The following DIAPH3 variants were observed in gnomAD, a reference collection of about 807,000 sequenced individuals.
The protein encoded by DIAPH3 is protein diaphanous homolog 3.
A neutral mutation model predicts 144.3 loss-of-function variants in DIAPH3; 117 were observed. The observed-to-expected ratio is 0.81, with a 90% CI of 0.70 to 0.95. The LOEUF is 0.95. Ranked by LOEUF, DIAPH3 falls within the 40% of genes least tolerant of loss-of-function variation. The pLI is 0.00. For synonymous variants in DIAPH3, 519 were observed against 488.9 expected, an observed-to-expected ratio of 1.06 and a Z score of -0.81; for missense variants, 1,421 against 1,412.7, an observed-to-expected ratio of 1.01 and a Z score of -0.09.
chr13:59,817,095 C>T (rs753662110), intron 24 of DIAPH3, among the ~76,000 whole-genome samples: 6 of 151,754 alleles, frequency 4.0e-5, no homozygotes, highest in African/African-American at 7.2e-5. Context: ...AAAACTGGCA[C>T]TGAAAAATGT....
intron 27 of DIAPH3, among the ~76,000 whole-genome samples, chr13:59,693,785 A>G (rs1403282154): frequency 6.6e-6 from 1 of 152,210 alleles, no homozygotes; most frequent in Non-Finnish European, 1.5e-5. Flanking sequence ...GCTTTAATTT[A>G]TATAGGGAAT....
At chr13:59,839,728 T>C (rs1453659696) in intron 22 of DIAPH3, among the ~76,000 whole-genome samples, 2 of 152,188 alleles carry the variant, frequency 1.3e-5, no homozygotes, top group Non-Finnish European at 2.9e-5. Context: ...TTCTTGACCA[T>C]TGGAAATACT....
intron 1 of DIAPH3, among the ~76,000 whole-genome samples, chr13:60,160,889 G>C (rs113981430): frequency 2.4e-4 from 36 of 152,342 alleles, no homozygotes; most frequent in Non-Finnish European, 3.2e-4. Context: ...TATGGGAAGA[G>C]ATATCTAAGC....
intron 18 of DIAPH3, among the ~76,000 whole-genome samples, chr13:59,921,219 C>A (rs2047498343): frequency 7.7e-6 from 1 of 129,064 alleles, no homozygotes; most frequent in Non-Finnish European, 1.7e-5. Context: ...TTAGTAGAAG[C>A]AAGAAAATAT....
At position 59,982,969 on chromosome 13, in the gene DIAPH3, A is replaced by C. The variant is rs1322055403; in HGVS notation, c.1480+800T>G. ...AAAGCAGCAGATACAAGTTTTCCAA[A>C]ATTCAAATTTCCACTTAAAAACTCA... On this transcript the variant is annotated intron_variant, in intron 13 of 27. Coordinates refer to ENST00000400324, the MANE Select transcript of DIAPH3 (RefSeq NM_001042517.2). 7.9e-5 allele frequency among the ~76,000 whole-genome samples: 12 copies of C among 151,570 alleles called. No homozygotes were observed. In the East Asian group the frequency reaches 2.3e-3, roughly 30 times the overall value.
At chr13:59,722,149 G>T (rs991784945) in intron 27 of DIAPH3, among the ~76,000 whole-genome samples, 2 of 152,244 alleles carry the variant, frequency 1.3e-5, no homozygotes, top group African/African-American at 4.8e-5. Context: ...AAAAAAGCTT[G>T]CCACTCTTCA....
chr13:60,015,551 G>A (rs1235297549), intron 7 of DIAPH3, among the ~76,000 whole-genome samples: 2 of 151,828 alleles, frequency 1.3e-5, no homozygotes, highest in African/African-American at 2.4e-5. Flanking sequence ...TTGAGAGTTA[G>A]GAGAGGGAGG....
chr13:60,085,661 T>C (rs2670491), intron 4 of DIAPH3, among the ~76,000 whole-genome samples: 84,459 of 151,906 alleles, frequency 0.56, 24,020 homozygotes, highest in Admixed American at 0.61. Context: ...CTTAGCCCCT[T>C]TGTTCACTGA....
At chr13:59,845,114 C>T (rs140163709) in intron 22 of DIAPH3, among the ~76,000 whole-genome samples, 4,246 of 150,514 alleles carry the variant, frequency 0.028, 84 homozygotes, top group Middle Eastern at 0.079. Flanking sequence ...GGTGTGATCT[C>T]GGCTCACTGC....
chr13:59,995,754 A>T (rs576629878), intron 9 of DIAPH3, among the ~76,000 whole-genome samples: 1 of 152,128 alleles, frequency 6.6e-6, no homozygotes, highest in East Asian at 1.9e-4. Flanking sequence ...GATAAGTTGG[A>T]AATGCCTATT....
At chr13:59,881,191 AT>A (rs1038778807) in intron 20 of DIAPH3, among the ~76,000 whole-genome samples, 3 of 151,680 alleles carry the variant, frequency 2.0e-5, no homozygotes, top group Admixed American at 1.3e-4. Context: ...ACTTACCTGG[AT>A]TTTTTTTATC....
At chr13:59,952,997 A>G (rs1265664029) in intron 17 of DIAPH3, among the ~76,000 whole-genome samples, 1 of 152,202 alleles carries the variant, frequency 6.6e-6, no homozygotes, top group Non-Finnish European at 1.5e-5. Context: ...TACCGAATAT[A>G]TAAGTAGCTA....
At chr13:59,778,362 GATTTC>G (rs1252632299) in intron 25 of DIAPH3, among the ~76,000 whole-genome samples, 1 of 152,212 alleles carries the variant, frequency 6.6e-6, no homozygotes, top group Non-Finnish European at 1.5e-5. Flanking sequence ...AGGGATTATA[GATTTC>G]ATTTATCTTC....
chr13:59,921,469 G>C (rs73196172), intron 18 of DIAPH3, among the ~76,000 whole-genome samples: 131 of 151,440 alleles, frequency 8.7e-4, no homozygotes, highest in Non-Finnish European at 1.6e-3. Flanking sequence ...CAATAAATTG[G>C]ATAACCTAGA....
chr13:59,749,214 A>G (rs1174969552), intron 27 of DIAPH3, among the ~76,000 whole-genome samples: 1 of 146,578 alleles, frequency 6.8e-6, no homozygotes, highest in African/African-American at 2.5e-5. Flanking sequence ...TGTCTCAAAA[A>G]AAAAAAAAAA....
intron 24 of DIAPH3, among the ~76,000 whole-genome samples, chr13:59,821,608 A>T (rs1010319782): frequency 1.1e-4 from 16 of 152,124 alleles, no homozygotes; most frequent in African/African-American, 3.9e-4. Flanking sequence ...AAATGTAAAA[A>T]TTTTCCCCAA....
In DIAPH3 at chr13:60,042,776, A is replaced by C; in HGVS notation, c.540T>G (p.Ile180Met). 6.2e-7 allele frequency: 1 copy of C among 1,613,792 alleles called. No individual in the cohort carries two copies. The highest frequency in any genetic ancestry group is 8.5e-7 in the Non-Finnish European group (1 of 1,179,786). ...CTGCAGACCCCATTTTCAGCTCATG[A>C]ATGAATTCCTGAGGTGAGATCTGTC... The part of the protein sequence containing the change: ...RSRQISPQEF[I>M]HELKMGSADE... Residue 180 changes from isoleucine to methionine, a missense_variant, in exon 5 of 28, where the codon ATT becomes ATG. Physicochemically the swap from Ile to Met is conservative, Grantham distance 10 (BLOSUM62 1). Transcript: ENST00000400324.
At chr13:59,949,948 C>T (rs1348106178) in intron 17 of DIAPH3, among the ~76,000 whole-genome samples, 1 of 152,110 alleles carries the variant, frequency 6.6e-6, no homozygotes, top group African/African-American at 2.4e-5. Flanking sequence ...TAATGTACTC[C>T]CATGGAAGTA....
chr13:59,781,304 G>T (rs947840860), intron 25 of DIAPH3, among the ~76,000 whole-genome samples: 3 of 152,180 alleles, frequency 2.0e-5, no homozygotes, highest in Non-Finnish European at 4.4e-5. Context: ...TTCCAGTGAA[G>T]AAATGATTAT....
Sources: gnomAD v4.1 joint callset for allele counts (sites outside exome capture counted in the v4.1 genomes callset) on GRCh38, gnomAD v4.1.1 for gene constraint, MANE v1.5 for transcripts, NCBI Gene and HGNC (gene_info 2026-07-23, HGNC 2026-07-21) for gene names.